The following UPP2 variants were observed in gnomAD, a reference collection of about 807,000 sequenced individuals.
The protein encoded by UPP2 is UPase 2.
A neutral mutation model predicts 26.7 loss-of-function variants in UPP2; 23 were observed. The ratio of observed to expected loss-of-function variants is 0.86; its 90% confidence interval spans 0.62 to 1.22. UPP2 has a LOEUF of 1.22. UPP2 is among the 50% of genes most tolerant of loss of function. The pLI is 0.00. For missense variants in UPP2, 387 were observed against 396.7 expected, an observed-to-expected ratio of 0.98 and a Z score of 0.21; for synonymous variants, 127 against 141.3, an observed-to-expected ratio of 0.90 and a Z score of 0.72.
At chr2:158,083,583 A>G (rs898128392) in intron 3 of UPP2, among the ~76,000 whole-genome samples, 1 of 152,018 alleles carries the variant, frequency 6.6e-6, no homozygotes, top group African/African-American at 2.4e-5. Flanking sequence ...GAGGGGTAGC[A>G]TTAGGAGAAA....
chr2:158,060,973 TTGAG>T (rs1682343502), intron 3 of UPP2, among the ~76,000 whole-genome samples: 1 of 152,190 alleles, frequency 6.6e-6, no homozygotes, highest in Non-Finnish European at 1.5e-5. Flanking sequence ...CTAATATAGT[TTGAG>T]TGATAGCATG....
intron 3 of UPP2, among the ~76,000 whole-genome samples, chr2:158,022,247 C>T (rs1356464761): frequency 1.3e-5 from 2 of 152,080 alleles, no homozygotes; most frequent in Non-Finnish European, 2.9e-5. Context: ...ATCACGACGT[C>T]AGGAGTTCGA....
intron 3 of UPP2, among the ~76,000 whole-genome samples, chr2:158,024,639 C>T (rs1436979496): frequency 6.6e-6 from 1 of 152,116 alleles, no homozygotes; most frequent in Non-Finnish European, 1.5e-5. Flanking sequence ...ACAGGAGAGC[C>T]TTCAAACTCA....
intron 3 of UPP2, among the ~76,000 whole-genome samples, chr2:158,064,676 G>C (rs1682407837): frequency 6.6e-6 from 1 of 152,172 alleles, no homozygotes; most frequent in East Asian, 1.9e-4. Flanking sequence ...CCTATGTCCT[G>C]AATGGTATTG....
At chr2:158,050,076 A>G (rs1682123446) in intron 3 of UPP2, among the ~76,000 whole-genome samples, 1 of 152,204 alleles carries the variant, frequency 6.6e-6, no homozygotes, top group Non-Finnish European at 1.5e-5. Flanking sequence ...AGTTCTCAAA[A>G]TATTAAGAGT....
intron 3 of UPP2, among the ~76,000 whole-genome samples, chr2:158,043,649 ATTCAAGGGTCTTGTATG>A (rs1347693626): frequency 1.3e-5 from 2 of 152,234 alleles, no homozygotes; most frequent in Non-Finnish European, 2.9e-5. Flanking sequence ...GGAGATAATC[ATTCAAGGGTCTTGTATG>A]TGCTTGCTTA....
At chr2:158,121,955 C>T (rs185063239) in intron 5 of UPP2, among the ~76,000 whole-genome samples, 3 of 152,074 alleles carry the variant, frequency 2.0e-5, no homozygotes, top group Admixed American at 6.5e-5. Context: ...TATGTTTCTG[C>T]CATTCATCTG....
At chr2:158,017,577 T>C (rs979716023) in intron 3 of UPP2, among the ~76,000 whole-genome samples, 1 of 152,230 alleles carries the variant, frequency 6.6e-6, no homozygotes, top group South Asian at 2.1e-4. Flanking sequence ...TAAAGCTAGG[T>C]ATTATAGAAA....
At chr2:158,049,895 GAA>G (rs1255489382) in intron 3 of UPP2, among the ~76,000 whole-genome samples, 1 of 152,112 alleles carries the variant, frequency 6.6e-6, no homozygotes, top group Non-Finnish European at 1.5e-5. Flanking sequence ...TTTTCACTTG[GAA>G]AAGACTTGAG....
chr2:158,128,124 G>C, intron 6 of UPP2: 1 of 630,662 alleles, frequency 1.6e-6, no homozygotes, highest in Non-Finnish European at 2.0e-6. Context: ...CCTAATATTT[G>C]TCTACGCTTA....
At chr2:158,059,071 C>CTGA (rs1417953521) in intron 3 of UPP2, among the ~76,000 whole-genome samples, 4 of 152,176 alleles carry the variant, frequency 2.6e-5, no homozygotes, top group Non-Finnish European at 4.4e-5. Flanking sequence ...AGCTAAGCTA[C>CTGA]TGATTCTCAG....
chr2:158,117,785 T>A (rs748398472), intron 3 of UPP2, 39 bp from the exon 4 acceptor site: 1 of 1,473,684 alleles, frequency 6.8e-7, no homozygotes, highest in Non-Finnish European at 9.5e-7. Flanking sequence ...CATGTATCAC[T>A]TTGCAAGATG....
At chr2:158,078,674 T>A (rs1324940906) in intron 3 of UPP2, among the ~76,000 whole-genome samples, 1 of 152,014 alleles carries the variant, frequency 6.6e-6, no homozygotes, top group Non-Finnish European at 1.5e-5. Context: ...GGATTATTAA[T>A]GGGTACAAAA....
chr2:158,130,632 A>G (rs1359146657), intron 6 of UPP2, among the ~76,000 whole-genome samples: 1 of 152,192 alleles, frequency 6.6e-6, no homozygotes, highest in African/African-American at 2.4e-5. Flanking sequence ...ACAATTCTTC[A>G]TAGGTATAAT....
intron 6 of UPP2, among the ~76,000 whole-genome samples, chr2:158,124,328 T>G (rs538529060): frequency 6.6e-6 from 1 of 152,224 alleles, no homozygotes; most frequent in Admixed American, 6.5e-5. Context: ...TTCTGTTCAA[T>G]GCAAATCCAA....
chr2:158,131,811 A>G lies in UPP2; in HGVS notation c.812-2937A>G, dbSNP rs1683825146. ...GGTAATTAGTCCCTTTTAATTGCTC[A>G]TGGAAATAGTAATTTTAAGTGACAA... On this transcript the variant is annotated intron_variant, in intron 6 of 6. Coordinates refer to ENST00000005756, the MANE Select transcript of UPP2 (RefSeq NM_173355.4). Among the ~76,000 whole-genome samples, 4 of 152,338 alleles carry G rather than the reference A, an allele frequency of 2.6e-5. No homozygotes were observed. The South Asian group carries it at 8.3e-4, about 32-fold the overall frequency.
At chr2:158,022,790 T>C (rs970683271) in intron 3 of UPP2, among the ~76,000 whole-genome samples, 4 of 152,198 alleles carry the variant, frequency 2.6e-5, no homozygotes, top group African/African-American at 9.6e-5. Flanking sequence ...CTTAATTCCT[T>C]ATTTATCCAC....
At chr2:158,012,263 C>CTTTTTTTTTTTTTTTT (rs34807293) in intron 2 of UPP2, among the ~76,000 whole-genome samples, 3 of 81,586 alleles carry the variant, frequency 3.7e-5, no homozygotes, top group Admixed American at 4.0e-4. Context: ...TTGTTTCTAC[C>CTTTTTTTTTTTTTTTT]TTTTTTTTTT....
chr2:158,063,343 A>G (rs1682381930), intron 3 of UPP2, among the ~76,000 whole-genome samples: 1 of 152,220 alleles, frequency 6.6e-6, no homozygotes, highest in African/African-American at 2.4e-5. Context: ...TATTCTTATT[A>G]CACAGAGCAG....
Sources: gnomAD v4.1 joint callset for allele counts (sites outside exome capture counted in the v4.1 genomes callset) on GRCh38, gnomAD v4.1.1 for gene constraint, MANE v1.5 for transcripts, NCBI Gene and HGNC (gene_info 2026-07-23, HGNC 2026-07-21) for gene names.